The following UBN2 variants were observed in gnomAD, a reference collection of about 807,000 sequenced individuals.
UBN2 encodes the protein ubinuclein-2.
A neutral mutation model predicts 120.2 loss-of-function variants in UBN2; 35 were observed. The observed-to-expected ratio is 0.29, with a 90% CI of 0.22 to 0.39. The LOEUF (loss-of-function observed/expected upper bound fraction) is 0.39, where lower values mean the gene tolerates loss of function less well. Ranked by LOEUF, UBN2 falls within the 10% of genes least tolerant of loss-of-function variation. The pLI is 1.00. For missense variants in UBN2, 1,693 were observed against 1,663.2 expected (o/e 1.02, Z -0.31); for synonymous variants, 661 against 648.7 (o/e 1.02, Z -0.29).
intron 11 of UBN2, 78 bp downstream of exon 11, chr7:139,274,152 T>C: frequency 7.3e-7 from 1 of 1,362,060 alleles, no homozygotes; most frequent in Non-Finnish European, 9.7e-7. Context: ...CACATACACA[T>C]ATGTGACATT....
chr7:139,266,240 A>AAG, intron 6 of UBN2, 93 bp from the exon 7 acceptor site: 1 of 830,546 alleles, frequency 1.2e-6, no homozygotes, highest in South Asian at 1.6e-5. Context: ...AAAAAAAAAA[A>AAG]AAAAAGAAAA....
chr7:139,309,169 GA>G (rs1390685914), downstream of UBN2, among the ~76,000 whole-genome samples: 1 of 152,212 alleles, frequency 6.6e-6, no homozygotes, highest in African/African-American at 2.4e-5. Context: ...GATCTGCATA[GA>G]AAATATCAAA....
chr7:139,311,452 A>G (rs75570419), downstream of UBN2, among the ~76,000 whole-genome samples: 10,800 of 152,258 alleles, frequency 0.071, 733 homozygotes, highest in Admixed American at 0.2. Flanking sequence ...CGGGTTCACA[A>G]GACCCCACTG....
chr7:139,294,443 GC>G (rs1798052962), intron 17 of UBN2, among the ~76,000 whole-genome samples: 1 of 152,214 alleles, frequency 6.6e-6, no homozygotes, highest in Admixed American at 6.5e-5. Context: ...TACACAACTT[GC>G]CCAGATAACA....
intron 3 of UBN2, among the ~76,000 whole-genome samples, chr7:139,253,584 C>G (rs1472360780): frequency 6.6e-6 from 1 of 152,192 alleles, no homozygotes; most frequent in Non-Finnish European, 1.5e-5. Flanking sequence ...TCTTTATCAC[C>G]AGTCTGTTTT....
chr7:139,236,961 A>G (rs1162530480), intron 1 of UBN2, 44 bp from the exon 2 acceptor site: 1 of 1,215,716 alleles, frequency 8.2e-7, no homozygotes, highest in East Asian at 2.4e-5. Flanking sequence ...TATTTGTAAT[A>G]CTAATGGATA....
chr7:139,251,184 AAAT>A (rs1056566450), intron 2 of UBN2, among the ~76,000 whole-genome samples: 13 of 152,162 alleles, frequency 8.5e-5, no homozygotes, highest in African/African-American at 1.7e-4. Flanking sequence ...ATCTTTAAAA[AAAT>A]AATAATAATA....
chr7:139,257,563 A>G (rs1002181603), intron 3 of UBN2, among the ~76,000 whole-genome samples: 1 of 151,214 alleles, frequency 6.6e-6, no homozygotes, highest in Non-Finnish European at 1.5e-5. Context: ...CACCCACCCC[A>G]CCACGCCCGG....
chr7:139,275,177 C>T (rs1392742950), intron 11 of UBN2, among the ~76,000 whole-genome samples: 5 of 149,132 alleles, frequency 3.4e-5, no homozygotes, highest in Non-Finnish European at 7.4e-5. Flanking sequence ...ACCCAGGAGG[C>T]TGAGGCAGGA....
intron 5 of UBN2, among the ~76,000 whole-genome samples, chr7:139,259,708 G>A (rs1796872969): frequency 6.6e-6 from 1 of 152,124 alleles, no homozygotes; most frequent in Non-Finnish European, 1.5e-5. Context: ...ATTGGCAGTA[G>A]CCTATATGTA....
intron 2 of UBN2, among the ~76,000 whole-genome samples, chr7:139,244,268 G>T (rs1176688839): frequency 6.6e-6 from 1 of 152,138 alleles, no homozygotes; most frequent in Non-Finnish European, 1.5e-5. Flanking sequence ...TAAGTCCACT[G>T]CCAGGCAGAA....
rs183663691 is a variant in UBN2, at chr7:139,262,646, A to G, written c.1395+905A>G. Among the ~76,000 whole-genome samples the G allele has an allele frequency of 7.5e-3, 1,135 of 151,262 alleles. 17 individuals carry two copies. Among genetic ancestry groups the G allele is most frequent in the African/African-American group, 0.026 (1,093 of 41,318 alleles). On this transcript the variant is annotated intron_variant, in intron 6 of 17. Transcript: ENST00000473989. ...GGAGAATTGCTTGAACCTGGGAGGC[A>G]GAGGTTACAGTGAGCCGAGATTGCG...
At position 139,293,368 on chromosome 7, in the gene UBN2, T is replaced by A; in HGVS notation, c.3806T>A (p.Phe1269Tyr). Residue 1269 changes from phenylalanine to tyrosine, a missense_variant, in exon 16 of 18, where the codon TTT (phenylalanine) becomes TAT (tyrosine). Phe to Tyr is a conservative substitution (Grantham distance 22, BLOSUM62 3). Transcript: ENST00000473989. Reference sequence around the variant, plus strand: ...GTTCCAGTGACCATGCCCTTCCAGTTTCCCTTGGAGATATTTGGCTTTGGA... The same window carrying A: ...GTTCCAGTGACCATGCCCTTCCAGTATCCCTTGGAGATATTTGGCTTTGGA... ...GLVPVTMPFQ[F>Y]PLEIFGFGTD... The A allele has an allele frequency of 6.2e-7, 1 of 1,614,132 alleles. No individual in the cohort carries two copies. The highest frequency in any genetic ancestry group is 1.1e-5 in the South Asian group (1 of 91,082).
Position 139,276,098 on chromosome 7 carries a change from A to C in UBN2, c.1975A>C (p.Met659Leu), listed in dbSNP as rs1290235968. 2 of 1,612,434 alleles carry C rather than the reference A, an allele frequency of 1.2e-6. No individual in the cohort carries two copies. The highest frequency in any genetic ancestry group is 4.5e-5 in the East Asian group (2 of 44,832). The part of the protein sequence containing the change: ...LWPKGWMQAR[M>L]LFKESRSVHN... ...ATTGTGTTCTTTAAATTTTTCCAGA[A>C]TGCTTTTTAAGGAAAGCCGGAGTGT... Residue 659 changes from methionine to leucine, a missense_variant and splice_region_variant, in exon 12 of 18, where the codon ATG becomes CTG. Physicochemically the swap from Met to Leu is conservative, Grantham distance 15. Transcript: ENST00000473989.
chr7:139,242,602 AAAT>A (rs1796351419), intron 2 of UBN2, among the ~76,000 whole-genome samples: 1 of 152,258 alleles, frequency 6.6e-6, no homozygotes, highest in South Asian at 2.1e-4. Flanking sequence ...TTCCTAGCTC[AAAT>A]AATAATTTCT....
intron 8 of UBN2, among the ~76,000 whole-genome samples, chr7:139,271,102 A>G (rs942033543): frequency 6.6e-6 from 1 of 152,074 alleles, no homozygotes; most frequent in African/African-American, 2.4e-5. Flanking sequence ...ATTTTTAAAC[A>G]TAGGATTTTG....
downstream of UBN2, among the ~76,000 whole-genome samples, chr7:139,310,558 G>T (rs965125618): frequency 2.0e-5 from 3 of 152,150 alleles, no homozygotes; most frequent in Non-Finnish European, 2.9e-5. Context: ...ATCACTTGAG[G>T]TCAGGAGTTA....
chr7:139,294,076 G>C (rs1798041197), intron 17 of UBN2, 95 bp downstream of exon 17: 1 of 1,358,648 alleles, frequency 7.4e-7, no homozygotes, highest in East Asian at 2.4e-5. Context: ...GAATGACAAA[G>C]GTTGGAAAAT....
At chr7:139,285,126 G>A (rs899399812) in intron 15 of UBN2, among the ~76,000 whole-genome samples, 6 of 151,820 alleles carry the variant, frequency 4.0e-5, no homozygotes, top group Middle Eastern at 3.4e-3. Context: ...AGTGTCAGTC[G>A]CCCTTTTATA....
Sources: allele counts gnomAD v4.1 joint callset (sites outside exome capture counted in the v4.1 genomes callset), GRCh38; gene constraint gnomAD v4.1.1; transcripts MANE v1.5; gene names NCBI Gene and HGNC (gene_info 2026-07-23, HGNC 2026-07-21).